Variants in ST3GAL3 observed in about 807,000 individuals in gnomAD.
ST3GAL3 encodes CMP-N-acetylneuraminate-beta-1,4-galactoside alpha-2,3-sialyltransferase.
A neutral mutation model predicts 50.1 loss-of-function variants in ST3GAL3; 21 were observed. That is an observed-to-expected ratio of 0.42 (90% CI 0.30 to 0.60). The LOEUF (loss-of-function observed/expected upper bound fraction) is 0.60. Among genes scored for constraint, ST3GAL3 ranks in the 20% least tolerant of loss-of-function variants. ST3GAL3 has a pLI of 0.19. For missense variants in ST3GAL3, 353 were observed against 489.4 expected (o/e 0.72, Z 2.63); for synonymous variants, 183 against 190.0 (o/e 0.96, Z 0.30).
intron 5 of ST3GAL3, chr1:43,850,952 C>G: frequency 9.8e-7 from 1 of 1,025,304 alleles, no homozygotes; most frequent in Non-Finnish European, 1.6e-6. Context: ...TGTAGAAGAT[C>G]GTGCGGACTT....
chr1:43,717,023 A>G (rs908053427), intron 1 of ST3GAL3, among the ~76,000 whole-genome samples: 1 of 152,178 alleles, frequency 6.6e-6, no homozygotes. Flanking sequence ...CTCATTGCCA[A>G]TGGGATAAAT....
chr1:43,883,757 C>T (rs960907035), intron 5 of ST3GAL3, among the ~76,000 whole-genome samples: 2 of 152,212 alleles, frequency 1.3e-5, no homozygotes, highest in African/African-American at 4.8e-5. Context: ...CTTCCCTCCT[C>T]CAGCCTCAGC....
At chr1:43,728,856 T>C (rs934736797) in intron 1 of ST3GAL3, among the ~76,000 whole-genome samples, 3 of 152,164 alleles carry the variant, frequency 2.0e-5, no homozygotes, top group Non-Finnish European at 4.4e-5. Flanking sequence ...TATACACACA[T>C]ATGTACATAT....
intron 3 of ST3GAL3, chr1:43,801,320 A>G (rs1483838123): frequency 2.2e-6 from 1 of 456,324 alleles, no homozygotes; most frequent in South Asian, 1.5e-5. Flanking sequence ...GTGGTTCATT[A>G]CAATGAAAAA....
Position 43,707,563 on chromosome 1 carries a change from T to C in ST3GAL3, c.-161T>C, listed in dbSNP as rs1468009157. On this transcript the variant is annotated 5_prime_UTR_variant, in exon 1 of 12. The change abolishes an upstream ATG in the 5' untranslated region. Transcript: ENST00000347631. ...TGCGTCCCCACTATGGCGGCGCCCA[T>C]GCAGCCCAGCGCGTTGTGGGCTCCC... 1 of 151,716 alleles carries C rather than the reference T, an allele frequency of 6.6e-6. No individual in the cohort carries two copies. Among genetic ancestry groups the C allele is most frequent in the East Asian group, 1.9e-4 (1 of 5,164 alleles). 9.4% of individuals were successfully genotyped at this position (151,716 alleles called of 1,614,324 possible).
chr1:43,710,029 G>A (rs1334318565), intron 1 of ST3GAL3, among the ~76,000 whole-genome samples: 1 of 151,910 alleles, frequency 6.6e-6, no homozygotes, highest in Non-Finnish European at 1.5e-5. Context: ...TTTTCTCCCC[G>A]TGTTTTTGGT....
At chr1:43,894,796 A>AT (rs1385202458) in intron 6 of ST3GAL3, among the ~76,000 whole-genome samples, 1 of 151,024 alleles carries the variant, frequency 6.6e-6, no homozygotes, top group Non-Finnish European at 1.5e-5. Flanking sequence ...TGCCTGGCTT[A>AT]TTTTTTCTTC....
chr1:43,713,681 C>G (rs1011577655), intron 1 of ST3GAL3, among the ~76,000 whole-genome samples: 1 of 151,972 alleles, frequency 6.6e-6, no homozygotes, highest in Admixed American at 6.6e-5. Context: ...CAGGCACTCA[C>G]GCACCACCAC....
At chr1:43,837,657 T>A (rs3011218) in intron 4 of ST3GAL3, among the ~76,000 whole-genome samples, 130,207 of 152,190 alleles carry the variant, frequency 0.86, 55,930 homozygotes, top group East Asian at 0.91. Context: ...TTTCCTTGGT[T>A]TCAGGCTTCC....
intron 2 of ST3GAL3, among the ~76,000 whole-genome samples, chr1:43,744,683 TAAATAAAATAAAATAA>T (rs1360167706): frequency 2.1e-5 from 3 of 143,066 alleles, no homozygotes; most frequent in African/African-American, 8.3e-5. Context: ...AATAAATAAA[TAAATAAAATAAAATAA>T]AAAATAAAAT....
At chr1:43,861,566 C>G (rs1161967771) in intron 5 of ST3GAL3, among the ~76,000 whole-genome samples, 1 of 152,188 alleles carries the variant, frequency 6.6e-6, no homozygotes, top group Non-Finnish European at 1.5e-5. Flanking sequence ...TGACTCATAA[C>G]TTATGCTGAT....
chr1:43,923,492 G>C (rs1242179495), intron 11 of ST3GAL3, among the ~76,000 whole-genome samples: 1 of 152,164 alleles, frequency 6.6e-6, no homozygotes, highest in African/African-American at 2.4e-5. Flanking sequence ...TGGAGGCTGG[G>C]AAGTGCAAGA....
At chr1:43,815,496 C>G (rs1158113642) in intron 4 of ST3GAL3, among the ~76,000 whole-genome samples, 1 of 152,200 alleles carries the variant, frequency 6.6e-6, no homozygotes, top group Non-Finnish European at 1.5e-5. Context: ...TTCCTCTGTG[C>G]TTCCTTTAAA....
intron 2 of ST3GAL3, among the ~76,000 whole-genome samples, chr1:43,746,662 C>T (rs1341993987): frequency 1.3e-5 from 2 of 151,870 alleles, no homozygotes; most frequent in African/African-American, 4.8e-5. Flanking sequence ...TGGGGTTTCA[C>T]CATGTTGGCC....
chr1:43,855,533 C>G (rs1371430834), intron 5 of ST3GAL3, among the ~76,000 whole-genome samples: 2 of 151,692 alleles, frequency 1.3e-5, no homozygotes, highest in African/African-American at 2.4e-5. Flanking sequence ...TCGCTTGAAC[C>G]TGGGAGGCGG....
chr1:43,826,287 C>G (rs749443128), intron 4 of ST3GAL3, among the ~76,000 whole-genome samples: 4 of 152,110 alleles, frequency 2.6e-5, no homozygotes, highest in Non-Finnish European at 4.4e-5. Flanking sequence ...AATAAAAGAA[C>G]ATTGTGAACA....
At chr1:43,761,006 A>G (rs1262357267) in intron 2 of ST3GAL3, among the ~76,000 whole-genome samples, 1 of 152,252 alleles carries the variant, frequency 6.6e-6, no homozygotes, top group Non-Finnish European at 1.5e-5. Flanking sequence ...TGACATGTCC[A>G]AAACAGGCAA....
intron 5 of ST3GAL3, among the ~76,000 whole-genome samples, chr1:43,852,742 T>C (rs1280618764): frequency 4.6e-5 from 7 of 152,264 alleles, no homozygotes; most frequent in Non-Finnish European, 8.8e-5. Flanking sequence ...ATTTGGAGAC[T>C]GAAAGTTCTC....
intron 5 of ST3GAL3, chr1:43,838,678 C>G: frequency 3.3e-6 from 1 of 305,090 alleles, no homozygotes; most frequent in Non-Finnish European, 6.5e-6. Flanking sequence ...GACCAACTAG[C>G]TGGCTTCAGG....
Sources: gnomAD v4.1 joint callset for allele counts (sites outside exome capture counted in the v4.1 genomes callset) on GRCh38, gnomAD v4.1.1 for gene constraint, MANE v1.5 for transcripts, NCBI Gene and HGNC (gene_info 2026-07-23, HGNC 2026-07-21) for gene names.